The following CNTN6 variants were observed in gnomAD, a reference collection of about 807,000 sequenced individuals.
CNTN6 encodes contactin-6.
Under a neutral mutation model 122.8 loss-of-function variants are expected in CNTN6, and 137 were observed. The ratio of observed to expected loss-of-function variants is 1.12; its 90% CI spans 0.97 to 1.29. The LOEUF (loss-of-function observed/expected upper bound fraction) is 1.29. CNTN6 is among the 50% of genes most tolerant of loss of function. The pLI is 0.00. For missense variants in CNTN6, 1,634 were observed against 1,223.4 expected (o/e 1.34, Z -5.01); for synonymous variants, 570 against 426.0 (o/e 1.34, Z -4.16).
At chr3:1,270,550 A>G (rs990208259) in intron 4 of CNTN6, among the ~76,000 whole-genome samples, 1 of 152,220 alleles carries the variant, frequency 6.6e-6, no homozygotes, top group African/African-American at 2.4e-5. Context: ...AGGCCAAAAC[A>G]AAATACATAC....
At chr3:1,383,640 AAAAAACAAAAACAAAAAC>A (rs3043011) in intron 19 of CNTN6, among the ~76,000 whole-genome samples, 1 of 151,450 alleles carries the variant, frequency 6.6e-6, no homozygotes, top group African/African-American at 2.4e-5. Context: ...GCCAGTGGTA[AAAAAACAAAAACAAAAAC>A]AAAAACAAAA....
intron 1 of CNTN6, among the ~76,000 whole-genome samples, chr3:1,133,373 G>A (rs542351910): frequency 6.6e-6 from 1 of 152,282 alleles, no homozygotes; most frequent in East Asian, 1.9e-4. Context: ...AGTATGTATT[G>A]AGAGTGCAGA....
intron 1 of CNTN6, among the ~76,000 whole-genome samples, chr3:1,102,562 C>T (rs180886701): frequency 0.027 from 3,965 of 149,064 alleles, 198 homozygotes; most frequent in African/African-American, 0.095. Context: ...AACCCCGTCT[C>T]TACTAAAAAT....
At chr3:1,265,834 G>A (rs1464698209) in intron 4 of CNTN6, among the ~76,000 whole-genome samples, 1 of 151,912 alleles carries the variant, frequency 6.6e-6, no homozygotes, top group Non-Finnish European at 1.5e-5. Context: ...AAACCTTTGT[G>A]TTTTTTGAAA....
intron 11 of CNTN6, among the ~76,000 whole-genome samples, chr3:1,338,338 C>T (rs1703392844): frequency 1.3e-5 from 2 of 152,034 alleles, no homozygotes; most frequent in South Asian, 4.2e-4. Flanking sequence ...AAATGCAGAT[C>T]CCAGAGCCAT....
intron 12 of CNTN6, among the ~76,000 whole-genome samples, chr3:1,359,467 AG>A (rs141653395): frequency 1.1e-3 from 166 of 152,212 alleles, no homozygotes; most frequent in African/African-American, 3.8e-3. Context: ...GGTTCTCAGT[AG>A]TCTTTTAATA....
intron 11 of CNTN6, among the ~76,000 whole-genome samples, chr3:1,350,591 G>A (rs1159404812): frequency 1.3e-5 from 2 of 151,784 alleles, no homozygotes; most frequent in African/African-American, 4.8e-5. Flanking sequence ...AAGACCTACT[G>A]AGCCTGAAAG....
chr3:1,374,040 G>A lies in CNTN6; in HGVS notation c.2062G>A (p.Glu688Lys), dbSNP rs767478104. 14 of 1,612,730 alleles carry A rather than the reference G, an allele frequency of 8.7e-6. No individual in the cohort carries two copies. The highest frequency in any genetic ancestry group is 1.1e-5 in the Non-Finnish European group (13 of 1,179,158). Residue 688 changes from glutamate (E) to lysine (K), a missense_variant, in exon 16 of 23, where the codon GAA becomes AAA. Transcript: ENST00000446702. The part of the protein sequence containing the change: ...GNSIGIGEPS[E>K]PSELLRTKAS... Reference sequence around the variant, plus strand: ...CAGCATTGGGATTGGAGAACCAAGTGAACCATCAGAATTGTTAAGAACTAA... The same window carrying A: ...CAGCATTGGGATTGGAGAACCAAGTAAACCATCAGAATTGTTAAGAACTAA...
chr3:1,197,541 A>C (rs1199397722), intron 2 of CNTN6, among the ~76,000 whole-genome samples: 1 of 152,204 alleles, frequency 6.6e-6, no homozygotes, highest in Non-Finnish European at 1.5e-5. Flanking sequence ...AAAGTAAATA[A>C]GTAAATAGGA....
intron 3 of CNTN6, among the ~76,000 whole-genome samples, chr3:1,222,004 G>A (rs2094213739): frequency 6.6e-6 from 1 of 152,156 alleles, no homozygotes; most frequent in Non-Finnish European, 1.5e-5. Context: ...TGAGTTAAAT[G>A]ACTTAAATGC....
At chr3:1,202,956 G>A (rs959804677) in intron 2 of CNTN6, among the ~76,000 whole-genome samples, 6 of 152,132 alleles carry the variant, frequency 3.9e-5, no homozygotes, top group African/African-American at 1.4e-4. Flanking sequence ...TAATTATGGT[G>A]TTTATGAAGT....
At chr3:1,238,782 A>G (rs2094449764) in intron 4 of CNTN6, among the ~76,000 whole-genome samples, 1 of 152,214 alleles carries the variant, frequency 6.6e-6, no homozygotes, top group African/African-American at 2.4e-5. Context: ...ATCAACTCCA[A>G]AAGGATCCTT....
At chr3:1,225,802 A>G (rs1380154981) in intron 3 of CNTN6, among the ~76,000 whole-genome samples, 1 of 152,094 alleles carries the variant, frequency 6.6e-6, no homozygotes, top group East Asian at 1.9e-4. Context: ...GGCAAATGAA[A>G]TGTACTCTTT....
chr3:1,387,596 C>T (rs1484276106), intron 20 of CNTN6, among the ~76,000 whole-genome samples: 1 of 152,146 alleles, frequency 6.6e-6, no homozygotes, highest in African/African-American at 2.4e-5. Flanking sequence ...AGGAACAGCT[C>T]CGGTCTACAG....
chr3:1,393,678 A>AGACT (rs1560028647), intron 20 of CNTN6, among the ~76,000 whole-genome samples: 1 of 151,968 alleles, frequency 6.6e-6, no homozygotes, highest in Admixed American at 6.6e-5. Flanking sequence ...GTATCATGGT[A>AGACT]GACTGACAGA....
At chr3:1,154,139 A>C (rs1177240202) in intron 2 of CNTN6, among the ~76,000 whole-genome samples, 3 of 152,198 alleles carry the variant, frequency 2.0e-5, no homozygotes, top group Admixed American at 6.5e-5. Context: ...TTCCAAAGTA[A>C]TTGATTCTTA....
In CNTN6 at chr3:1,402,746, G is replaced by A. The variant is rs1413050405; in HGVS notation, c.2986+260G>A. 9.0e-6 allele frequency: 3 copies of A among 332,622 alleles called. No individual in the cohort carries two copies. In the East Asian group the frequency reaches 1.5e-4, roughly 16 times the overall value. 20.6% of individuals were successfully genotyped at this position (332,622 alleles called of 1,614,324 possible). A position where few individuals can be genotyped will look rare whatever the true frequency, so the allele number is the denominator to read the frequency against. ...ATCTTTGTGTCATTAGAGCATAATT[G>A]TATCACTCATTCTATTATCACAAAA... On this transcript the variant is annotated intron_variant, in intron 22 of 22. Coordinates refer to ENST00000446702, the MANE Select transcript of CNTN6 (RefSeq NM_001289080.2).
At chr3:1,402,881 T>A in intron 22 of CNTN6, 1 of 192,514 alleles carries the variant, frequency 5.2e-6, no homozygotes, top group Non-Finnish European at 1.1e-5. Flanking sequence ...ACATCACTAA[T>A]CAAGTGTGGC....
chr3:1,186,773 C>G (rs1393726817), intron 2 of CNTN6, among the ~76,000 whole-genome samples: 2 of 151,684 alleles, frequency 1.3e-5, no homozygotes, highest in Non-Finnish European at 2.9e-5. Flanking sequence ...CTGCCACACT[C>G]AGTAGCCTTT....
Sources: gnomAD v4.1 joint callset for allele counts (sites outside exome capture counted in the v4.1 genomes callset) on GRCh38, gnomAD v4.1.1 for gene constraint, MANE v1.5 for transcripts, NCBI Gene and HGNC (gene_info 2026-07-23, HGNC 2026-07-21) for gene names.